COG5: variants seen among roughly 807,000 people sequenced by gnomAD.
COG5 encodes the protein conserved oligomeric Golgi complex subunit 5.
COG5 carries 86 observed loss-of-function variants against 110.4 expected under a neutral mutation model. That is an observed-to-expected ratio of 0.78 (90% CI 0.65 to 0.93). The LOEUF (loss-of-function observed/expected upper bound fraction) is 0.93. Among genes scored for constraint, COG5 ranks in the 40% least tolerant of loss-of-function variants. The pLI is 0.00. For synonymous variants in COG5, 360 were observed against 334.6 expected (o/e 1.08, Z -0.83); for missense variants, 1,077 against 987.0 (o/e 1.09, Z -1.22).
intron 6 of COG5, among the ~76,000 whole-genome samples, chr7:107,499,226 T>C (rs1363516353): frequency 6.6e-6 from 1 of 152,154 alleles, no homozygotes; most frequent in Non-Finnish European, 1.5e-5. Context: ...AGATCTGCTG[T>C]TCAATACCAT....
chr7:107,481,884 T>A (rs1239332923), intron 6 of COG5, among the ~76,000 whole-genome samples: 1 of 152,182 alleles, frequency 6.6e-6, no homozygotes, highest in African/African-American at 2.4e-5. Flanking sequence ...ATAATACCTT[T>A]ATACTGCTTT....
chr7:107,452,537 C>A (rs1795402616), intron 6 of COG5, among the ~76,000 whole-genome samples: 1 of 152,108 alleles, frequency 6.6e-6, no homozygotes. Flanking sequence ...CTCACAAGAT[C>A]TGATGGTTTT....
rs116821868 is a variant in COG5 at position 107,374,455 on chromosome 7, G to C, written c.670-1695C>G. 4.6e-3 allele frequency among the ~76,000 whole-genome samples: 702 copies of C among 152,132 alleles called. 6 individuals carry two copies. The highest frequency in any genetic ancestry group is 0.017 in the African/African-American group (686 of 41,544). ...ATTATCAGAGGATCTGAAAAGCATA[G>C]CTTCTCCACACACAGTACAGTTTCA... is the stretch of plus-strand genomic sequence containing the variant. On this transcript the variant is annotated intron_variant, in intron 7 of 21. Transcript: ENST00000297135.
chr7:107,423,753 A>G (rs1274010094), intron 6 of COG5, among the ~76,000 whole-genome samples: 1 of 152,154 alleles, frequency 6.6e-6, no homozygotes, highest in African/African-American at 2.4e-5. Flanking sequence ...CAACATATGA[A>G]AAGAATAATA....
chr7:107,271,093 T>C (rs188480494), intron 14 of COG5, among the ~76,000 whole-genome samples: 1 of 151,846 alleles, frequency 6.6e-6, no homozygotes, highest in Non-Finnish European at 1.5e-5. Context: ...TAAAAAAGTG[T>C]CTTGATTGCC....
At chr7:107,227,710 G>T (rs1017643943) in intron 19 of COG5, among the ~76,000 whole-genome samples, 4 of 151,742 alleles carry the variant, frequency 2.6e-5, no homozygotes, top group Admixed American at 6.6e-5. Context: ...TTGGGGCGGG[G>T]GGTGTGGGTG....
At chr7:107,362,212 T>A in intron 9 of COG5, 96 bp downstream of exon 9, 2 of 1,328,552 alleles carry the variant, frequency 1.5e-6, no homozygotes, top group Non-Finnish European at 2.1e-6. Flanking sequence ...GTATTTTGAA[T>A]GCTCATTGAT....
chr7:107,401,013 A>G (rs1369576864), intron 7 of COG5, among the ~76,000 whole-genome samples: 3 of 152,194 alleles, frequency 2.0e-5, no homozygotes, highest in Non-Finnish European at 4.4e-5. Flanking sequence ...AGCAGGGATC[A>G]GCATATTTTT....
chr7:107,236,105 A>G (rs1257017773), intron 18 of COG5, among the ~76,000 whole-genome samples: 1 of 152,222 alleles, frequency 6.6e-6, no homozygotes, highest in Non-Finnish European at 1.5e-5. Flanking sequence ...CATTGCCTAC[A>G]TTATTGGTCA....
chr7:107,429,333 G>C (rs1793856455), intron 6 of COG5, among the ~76,000 whole-genome samples: 1 of 152,088 alleles, frequency 6.6e-6, no homozygotes, highest in Non-Finnish European at 1.5e-5. Context: ...GGGGTGTAAA[G>C]TGGTATATCA....
chr7:107,274,998 C>T (rs1293785620), intron 14 of COG5, among the ~76,000 whole-genome samples: 1 of 152,000 alleles, frequency 6.6e-6, no homozygotes, highest in Non-Finnish European at 1.5e-5. Flanking sequence ...CACTATGTTG[C>T]CCCAGCTAGT....
At chr7:107,466,509 T>C (rs1796306751) in intron 6 of COG5, among the ~76,000 whole-genome samples, 1 of 152,218 alleles carries the variant, frequency 6.6e-6, no homozygotes, top group Non-Finnish European at 1.5e-5. Flanking sequence ...GTGTATGCAA[T>C]TCTGATGCAT....
intron 7 of COG5, among the ~76,000 whole-genome samples, chr7:107,382,640 T>C (rs1340471395): frequency 1.3e-5 from 2 of 152,094 alleles, no homozygotes; most frequent in Admixed American, 6.5e-5. Flanking sequence ...GGTTTCACCA[T>C]GTTGGCCAGG....
chr7:107,264,235 C>T (rs1227818279), intron 14 of COG5, among the ~76,000 whole-genome samples: 4 of 152,004 alleles, frequency 2.6e-5, no homozygotes, highest in Non-Finnish European at 5.9e-5. Flanking sequence ...TAAGACTTGA[C>T]CCAGGGCATA....
chr7:107,240,561 T>A (rs889751190), intron 17 of COG5, among the ~76,000 whole-genome samples: 4 of 152,184 alleles, frequency 2.6e-5, no homozygotes, highest in Non-Finnish European at 5.9e-5. Context: ...CCCTACCACA[T>A]GTAAGTTAGA....
intron 7 of COG5, among the ~76,000 whole-genome samples, chr7:107,378,217 T>C (rs1458970537): frequency 2.0e-5 from 3 of 151,928 alleles, no homozygotes; most frequent in African/African-American, 4.8e-5. Context: ...CAGAAAGGAA[T>C]AGCGTCAACA....
At chr7:107,333,987 T>C (rs1370780255) in intron 10 of COG5, among the ~76,000 whole-genome samples, 1 of 152,184 alleles carries the variant, frequency 6.6e-6, no homozygotes, top group Non-Finnish European at 1.5e-5. Flanking sequence ...TTCTCTCTCT[T>C]GGGGTCAATA....
At chr7:107,258,463 TACACACACAC>T (rs200066090) in intron 14 of COG5, 80 bp from the exon 15 acceptor site, 3 of 608,984 alleles carry the variant, frequency 4.9e-6, no homozygotes, top group East Asian at 6.1e-5. Context: ...CACACACACA[TACACACACAC>T]ACACACATTC....
chr7:107,562,316 C>A (rs1803881752), intron 1 of COG5, among the ~76,000 whole-genome samples: 1 of 152,190 alleles, frequency 6.6e-6, no homozygotes, highest in Non-Finnish European at 1.5e-5. Flanking sequence ...TGAAATACAT[C>A]CTACTGAAAC....
Sources: allele counts gnomAD v4.1 joint callset (sites outside exome capture counted in the v4.1 genomes callset), GRCh38; gene constraint gnomAD v4.1.1; transcripts MANE v1.5; gene names NCBI Gene and HGNC (gene_info 2026-07-23, HGNC 2026-07-21).